CADM2: variants seen among roughly 807,000 people sequenced by gnomAD.
CADM2 encodes cell adhesion molecule 2, also known as immunoglobulin superfamily member 4D.
A neutral mutation model predicts 49.8 loss-of-function variants in CADM2; 12 were observed. The ratio of observed to expected loss-of-function variants is 0.24; its 90% CI spans 0.15 to 0.39. CADM2 has a LOEUF of 0.39. Among genes scored for constraint, CADM2 ranks in the 10% least tolerant of loss-of-function variants. CADM2 has a pLI of 1.00. For missense variants in CADM2, 378 were observed against 492.3 expected (o/e 0.77, Z 2.20); for synonymous variants, 214 against 175.4 (o/e 1.22, Z -1.74).
intron 1 of CADM2, among the ~76,000 whole-genome samples, chr3:85,606,008 A>G (rs2063527686): frequency 6.6e-6 from 1 of 152,130 alleles, no homozygotes; most frequent in Admixed American, 6.6e-5. Context: ...TGTTTCAAGC[A>G]GAGTCCTCAT....
chr3:85,057,640 A>T (rs914742572), intron 1 of CADM2, among the ~76,000 whole-genome samples: 51 of 152,260 alleles, frequency 3.3e-4, no homozygotes, highest in African/African-American at 1.2e-3. Flanking sequence ...TTAAATGTTC[A>T]AAGTTGGACA....
intron 1 of CADM2, among the ~76,000 whole-genome samples, chr3:85,404,694 A>G (rs1353562310): frequency 1.3e-5 from 2 of 152,146 alleles, no homozygotes; most frequent in Non-Finnish European, 2.9e-5. Context: ...AAATGTGGGG[A>G]TATCTGTTAG....
chr3:85,661,766 T>A (rs556428597), intron 1 of CADM2, among the ~76,000 whole-genome samples: 126 of 152,092 alleles, frequency 8.3e-4, no homozygotes, highest in African/African-American at 3.0e-3. Flanking sequence ...CTTTACAAAA[T>A]AAAATGGAGA....
chr3:86,024,030 T>C (rs1007943047), intron 8 of CADM2, among the ~76,000 whole-genome samples: 2 of 152,204 alleles, frequency 1.3e-5, no homozygotes, highest in African/African-American at 4.8e-5. Flanking sequence ...TCACCCAGAG[T>C]TCTATTTCAA....
chr3:85,876,946 T>G (rs1161736299), intron 3 of CADM2, among the ~76,000 whole-genome samples: 1 of 152,184 alleles, frequency 6.6e-6, no homozygotes, highest in Non-Finnish European at 1.5e-5. Context: ...GAATCCAAAA[T>G]ACACGTTTGT....
chr3:85,437,116 T>C (rs2036967982), intron 1 of CADM2, among the ~76,000 whole-genome samples: 1 of 152,158 alleles, frequency 6.6e-6, no homozygotes, highest in South Asian at 2.1e-4. Flanking sequence ...AGCCTTTTCA[T>C]GTTGGCTTCT....
At chr3:85,062,057 CTCTG>C (rs985978743) in intron 1 of CADM2, among the ~76,000 whole-genome samples, 28 of 151,842 alleles carry the variant, frequency 1.8e-4, no homozygotes, top group Non-Finnish European at 3.7e-4. Flanking sequence ...CTGTCTCTCT[CTCTG>C]TCTCTCTCTC....
At chr3:85,769,395 TA>T (rs1369953286) in intron 2 of CADM2, among the ~76,000 whole-genome samples, 3 of 115,340 alleles carry the variant, frequency 2.6e-5, no homozygotes, top group African/African-American at 3.5e-5. Context: ...TATACATATA[TA>T]GTATATATAT....
At chr3:85,795,728 T>A (rs2108048385) in intron 2 of CADM2, among the ~76,000 whole-genome samples, 1 of 152,340 alleles carries the variant, frequency 6.6e-6, no homozygotes, top group African/African-American at 2.4e-5. Flanking sequence ...TTATCAAAAA[T>A]ACGTTATCAA....
At chr3:85,297,054 A>G (rs2043981974) in intron 1 of CADM2, among the ~76,000 whole-genome samples, 1 of 152,084 alleles carries the variant, frequency 6.6e-6, no homozygotes, top group Admixed American at 6.6e-5. Flanking sequence ...GGGCAGAGAC[A>G]CTATCTTATA....
chr3:86,018,646 CATGTGTTTTTT>C (rs1004554237), intron 8 of CADM2, among the ~76,000 whole-genome samples: 2 of 152,042 alleles, frequency 1.3e-5, no homozygotes, highest in Admixed American at 6.6e-5. Context: ...AGCATTTTTT[CATGTGTTTTTT>C]GGCTGCATAA....
At chr3:85,238,929 T>C (rs1454252112) in intron 1 of CADM2, among the ~76,000 whole-genome samples, 1 of 151,800 alleles carries the variant, frequency 6.6e-6, no homozygotes, top group Non-Finnish European at 1.5e-5. Context: ...CTAACCATTA[T>C]CTTTCTTCTC....
chr3:85,324,808 A>T (rs1480123947), intron 1 of CADM2, among the ~76,000 whole-genome samples: 1 of 152,114 alleles, frequency 6.6e-6, no homozygotes, highest in Non-Finnish European at 1.5e-5. Context: ...TCTTCTCCCT[A>T]TTGCAACTGT....
chr3:85,488,052 A>C (rs1013818717), intron 1 of CADM2, among the ~76,000 whole-genome samples: 2 of 152,172 alleles, frequency 1.3e-5, no homozygotes, highest in Non-Finnish European at 2.9e-5. Context: ...AGTTCTTAAA[A>C]AATACTTTGT....
At chr3:85,700,005 A>C (rs1215087895) in intron 1 of CADM2, among the ~76,000 whole-genome samples, 1 of 152,206 alleles carries the variant, frequency 6.6e-6, no homozygotes, top group Non-Finnish European at 1.5e-5. Flanking sequence ...AAAGGATTAT[A>C]AATCAATCTA....
rs531048475 is a variant in CADM2, at chr3:85,346,439, C to CA, written c.62-380076dup. ...GCAACATAAAAACACAGATATTTTTCAAAAAAATCTTTAATAGCACATGTG... is the reference window on the plus strand; with the variant it reads ...GCAACATAAAAACACAGATATTTTTCAAAAAAAATCTTTAATAGCACATGTG... On this transcript the variant is annotated intron_variant, in intron 1 of 9. Transcript: ENST00000383699. 4.0e-5 allele frequency among the ~76,000 whole-genome samples: 6 copies of CA among 151,776 alleles called. No individual in the cohort carries two copies. The South Asian group carries it at 1.0e-3, about 26-fold the overall frequency.
intron 1 of CADM2, among the ~76,000 whole-genome samples, chr3:85,245,405 G>A (rs996715307): frequency 6.6e-6 from 1 of 151,890 alleles, no homozygotes; most frequent in African/African-American, 2.4e-5. Flanking sequence ...CCAGCTACTT[G>A]GGAGGCTGAG....
chr3:85,978,098 A>G (rs550163185), intron 8 of CADM2, among the ~76,000 whole-genome samples: 2 of 151,710 alleles, frequency 1.3e-5, no homozygotes, highest in Admixed American at 1.3e-4. Context: ...CAGCACAGTA[A>G]TTATTGGTAA....
At chr3:85,601,130 G>GTGTA (rs1328015269) in intron 1 of CADM2, among the ~76,000 whole-genome samples, 10 of 109,648 alleles carry the variant, frequency 9.1e-5, no homozygotes, top group African/African-American at 3.6e-4. Flanking sequence ...ATATATGTGT[G>GTGTA]TATATATATA....
Sources: allele counts gnomAD v4.1 joint callset (sites outside exome capture counted in the v4.1 genomes callset), GRCh38; gene constraint gnomAD v4.1.1; transcripts MANE v1.5; gene names NCBI Gene and HGNC (gene_info 2026-07-23, HGNC 2026-07-21).